TTLL6: variants seen among roughly 807,000 people sequenced by gnomAD.
TTLL6 encodes the protein tubulin tyrosine ligase like 6.
A neutral mutation model predicts 96.4 loss-of-function variants in TTLL6; 75 were observed. The observed-to-expected ratio is 0.78, with a 90% CI of 0.65 to 0.94. The LOEUF (loss-of-function observed/expected upper bound fraction) is 0.94, where lower values mean the gene tolerates loss of function less well. Ranked by LOEUF, TTLL6 falls within the 40% of genes least tolerant of loss-of-function variation. The pLI is 0.00. For synonymous variants in TTLL6, 411 were observed against 419.4 expected (o/e 0.98, Z 0.24); for missense variants, 1,030 against 1,093.0 (o/e 0.94, Z 0.81).
In TTLL6 at chr17:48,801,236, C is replaced by T. The variant is rs1464518113; in HGVS notation, c.611+19G>A. 2 of 1,548,268 alleles carry T rather than the reference C, an allele frequency of 1.3e-6. No homozygotes were observed. Among genetic ancestry groups the T allele is most frequent in the Non-Finnish European group, 1.7e-6 (2 of 1,144,392 alleles). ...GGGGAGGGGAGTGGAGAAGGAAGTA[C>T]AGGGCGGGGGGCACTCACTCAGCAG... On this transcript the variant is annotated intron_variant, in intron 5 of 15. Coordinates refer to ENST00000393382, the MANE Select transcript of TTLL6 (RefSeq NM_001130918.3).
At chr17:48,777,048 AC>A (rs1555563995) in intron 13 of TTLL6, among the ~76,000 whole-genome samples, 2 of 148,424 alleles carry the variant, frequency 1.3e-5, no homozygotes, top group African/African-American at 2.5e-5. Flanking sequence ...ACACACACAC[AC>A]CCCTAAAAAA....
intron 3 of TTLL6, among the ~76,000 whole-genome samples, chr17:48,802,395 A>G (rs1342917082): frequency 6.6e-6 from 1 of 152,216 alleles, no homozygotes; most frequent in Non-Finnish European, 1.5e-5. Flanking sequence ...TTTTTTAAGT[A>G]CACACTGGAT....
At chr17:48,803,465 C>T (rs1456458122) in intron 3 of TTLL6, among the ~76,000 whole-genome samples, 1 of 141,324 alleles carries the variant, frequency 7.1e-6, no homozygotes, top group Non-Finnish European at 1.5e-5. Context: ...CACTGCACTC[C>T]AGAGCAAGAT....
chr17:48,791,415 A>G lies in TTLL6; in HGVS notation c.1187T>C (p.Ile396Thr). ...GGGTTTGAGTTTGTGGTCCAACAAA[A>G]TGTCAAAGCCCAGGATCTCAAAGCA... is the stretch of plus-strand genomic sequence containing the variant. Reference protein sequence around the residue: ...SACFEILGFDILLDHKLKPWL... With the variant: ...SACFEILGFDTLLDHKLKPWL... The change falls in exon 9 of 16, where the codon ATT (isoleucine) becomes ACT (threonine). Residue 396 changes from isoleucine to threonine, a missense_variant. Physicochemically the swap from Ile to Thr is moderately conservative, Grantham distance 89. Transcript: ENST00000393382. 6.2e-7 allele frequency: 1 copy of G among 1,614,152 alleles called. No homozygotes were observed. Among genetic ancestry groups the G allele is most frequent in the Non-Finnish European group, 8.5e-7 (1 of 1,180,042 alleles).
intron 3 of TTLL6, among the ~76,000 whole-genome samples, chr17:48,803,524 G>A (rs2039460221): frequency 6.7e-6 from 1 of 149,722 alleles, no homozygotes; most frequent in South Asian, 2.1e-4. Flanking sequence ...CAGCAACACT[G>A]TGTTCTAAAA....
intron 13 of TTLL6, among the ~76,000 whole-genome samples, chr17:48,775,299 C>T (rs1323060675): frequency 6.6e-6 from 1 of 151,678 alleles, no homozygotes; most frequent in African/African-American, 2.4e-5. Flanking sequence ...CTTTTATGAA[C>T]TTAGACATAA....
At chr17:48,784,275 T>G (rs2039045247) in intron 13 of TTLL6, among the ~76,000 whole-genome samples, 2 of 151,438 alleles carry the variant, frequency 1.3e-5, no homozygotes, top group African/African-American at 4.9e-5. Flanking sequence ...CATGGTGGTG[T>G]GTGCCTGCAG....
intron 13 of TTLL6, among the ~76,000 whole-genome samples, chr17:48,776,448 A>G (rs895854794): frequency 6.6e-6 from 1 of 152,234 alleles, no homozygotes; most frequent in Non-Finnish European, 1.5e-5. Context: ...TGACAGAGCG[A>G]GACTCTGTCT....
At position 48,787,794 on chromosome 17, in the gene TTLL6, C is replaced by G; in HGVS notation, c.1589+17G>C. The G allele has an allele frequency of 1.2e-6, 2 of 1,610,520 alleles. No homozygotes were observed. Among genetic ancestry groups the G allele is most frequent in the Non-Finnish European group, 1.7e-6 (2 of 1,177,672 alleles). ...CCCAGAACCCCTCCACCGACCTCAT[C>G]CCGGATGTCTTCCTACCGGGCATAC... is the stretch of plus-strand genomic sequence containing the variant. On this transcript the variant is annotated intron_variant, in intron 11 of 15. Coordinates refer to ENST00000393382, the MANE Select transcript of TTLL6 (RefSeq NM_001130918.3).
intron 1 of TTLL6, among the ~76,000 whole-genome samples, chr17:48,811,891 G>A (rs2039597986): frequency 6.6e-6 from 1 of 151,904 alleles, no homozygotes; most frequent in Admixed American, 6.6e-5. Context: ...AGTAGAGACG[G>A]GGTTTTGCCA....
Position 48,803,917 on chromosome 17 carries a change from T to C in TTLL6, c.335A>G (p.Asn112Ser). The C allele has an allele frequency of 6.4e-7, 1 of 1,552,016 alleles. No homozygotes were observed. The highest frequency in any genetic ancestry group is 8.7e-7 in the Non-Finnish European group (1 of 1,147,076). ...KKRKKKRLVI[N>S]LSSCRYESVR... ...ACTCTCATACCGGCAGCTGGATAGATTGATCACCAATCATCTGGAAAAGAG... is the reference window on the plus strand; with the variant it reads ...ACTCTCATACCGGCAGCTGGATAGACTGATCACCAATCATCTGGAAAAGAG... Residue 112 changes from asparagine (N) to serine (S), a missense_variant, in exon 3 of 16, where the codon AAT becomes AGT. Physicochemically the swap from Asn to Ser is conservative, Grantham distance 46. Transcript: ENST00000393382.
chr17:48,774,724 T>C (rs2038837191), intron 13 of TTLL6, among the ~76,000 whole-genome samples: 1 of 152,186 alleles, frequency 6.6e-6, no homozygotes, highest in Non-Finnish European at 1.5e-5. Context: ...GTTATTTGGA[T>C]AGTCTTATAT....
intron 6 of TTLL6, among the ~76,000 whole-genome samples, chr17:48,797,893 C>T (rs2039347530): frequency 6.6e-6 from 1 of 150,820 alleles, no homozygotes; most frequent in Non-Finnish European, 1.5e-5. Context: ...TGCTTGACCT[C>T]AGGAGTTCAA....
At chr17:48,811,157 T>C (rs1201916921) in intron 1 of TTLL6, among the ~76,000 whole-genome samples, 1 of 150,322 alleles carries the variant, frequency 6.7e-6, no homozygotes, top group Non-Finnish European at 1.5e-5. Flanking sequence ...CAACCTCTGC[T>C]TCCTGGGTTC....
chr17:48,796,114 G>A lies in TTLL6; in HGVS notation c.945C>T (p.Ser315=), dbSNP rs2039312406. 2.6e-6 allele frequency: 4 copies of A among 1,551,380 alleles called. No individual in the cohort carries two copies. Among genetic ancestry groups the A allele is most frequent in the Non-Finnish European group, 3.5e-6 (4 of 1,146,868 alleles). ...DDICMHLTNY[S]INKHSSNFSR... ...TGAAATTTGAACTGTGCTTATTAAT[G>A]GAATAATTAGTCAGGTGCATGCAGA... The change falls in exon 8 of 16, where the codon TCC becomes TCT. Residue 315 remains serine, a synonymous_variant. Coordinates refer to ENST00000393382, the MANE Select transcript of TTLL6 (RefSeq NM_001130918.3).
At chr17:48,785,841 T>C (rs963817301) in intron 12 of TTLL6, among the ~76,000 whole-genome samples, 1 of 151,882 alleles carries the variant, frequency 6.6e-6, no homozygotes, top group African/African-American at 2.4e-5. Flanking sequence ...GGACCAGGAG[T>C]ACATGCACTC....
chr17:48,797,653 G>A (rs538381428), intron 6 of TTLL6, among the ~76,000 whole-genome samples: 2 of 151,902 alleles, frequency 1.3e-5, no homozygotes, highest in South Asian at 2.1e-4. Flanking sequence ...CAGGCGCGGT[G>A]GTGGGCCCCT....
chr17:48,768,952 C>T (rs72831857), intron 15 of TTLL6, 37 bp downstream of exon 15: 39 of 1,597,430 alleles, frequency 2.4e-5, no homozygotes, highest in African/African-American at 1.6e-4. Flanking sequence ...CACCTGCCAA[C>T]GCACCAAATT....
Position 48,787,973 on chromosome 17 carries a change from G to T in TTLL6, c.1427C>A (p.Ala476Asp), listed in dbSNP as rs754700306. 1.2e-6 allele frequency: 2 copies of T among 1,614,022 alleles called. No homozygotes were observed. Among genetic ancestry groups the T allele is most frequent in the Admixed American group, 1.7e-5 (1 of 59,980 alleles). ...CGTTTCAGTTTTCTTTAACTGCACG[G>T]CCCGGAAACCCTTGGCTTCCTCAAT... ...MRIEEAKGFR[A>D]VQLKKTETYE... Residue 476 changes from alanine (A) to aspartate (D), a missense_variant, in exon 11 of 16, where the codon GCC becomes GAC. By Grantham distance (126) the Ala-to-Asp change is moderately radical. Coordinates refer to ENST00000393382, the MANE Select transcript of TTLL6 (RefSeq NM_001130918.3).
Sources: gnomAD v4.1 joint callset for allele counts (sites outside exome capture counted in the v4.1 genomes callset) on GRCh38, gnomAD v4.1.1 for gene constraint, MANE v1.5 for transcripts, NCBI Gene and HGNC (gene_info 2026-07-23, HGNC 2026-07-21) for gene names.